ANKRD30A: variants seen among roughly 807,000 people sequenced by gnomAD.
ANKRD30A encodes ankyrin repeat domain-containing protein 30A.
In ANKRD30A, 170 loss-of-function variants were observed where a neutral mutation model predicts 166.3. The observed-to-expected ratio is 1.02, with a 90% CI of 0.90 to 1.16. ANKRD30A has a LOEUF of 1.16. Ranked by LOEUF, ANKRD30A falls within the 50% of genes most tolerant of loss-of-function variation. ANKRD30A has a pLI of 0.00. For missense variants in ANKRD30A, 1,630 were observed against 1,518.0 expected (o/e 1.07, Z -1.23); for synonymous variants, 564 against 508.9 (o/e 1.11, Z -1.46).
chr10:37,220,406 GTAA>G (rs1237713729), intron 34 of ANKRD30A, among the ~76,000 whole-genome samples: 1 of 151,120 alleles, frequency 6.6e-6, no homozygotes, highest in Non-Finnish European at 1.5e-5. Flanking sequence ...TCTGCGTCTT[GTAA>G]TAATACTTTT....
At chr10:37,239,339 T>C in the ANKRD30A span, among the ~76,000 whole-genome samples, 1 of 152,228 alleles carries the variant, frequency 6.6e-6, no homozygotes, top group East Asian at 1.9e-4. Flanking sequence ...AATCAAATTT[T>C]CTGAAATCTA....
intron 6 of ANKRD30A, among the ~76,000 whole-genome samples, chr10:37,139,299 C>T (rs1216630809): frequency 6.6e-6 from 1 of 152,202 alleles, no homozygotes; most frequent in Non-Finnish European, 1.5e-5. Context: ...GAGCTGATTA[C>T]AGACACCAAG....
chr10:37,129,854 T>G (rs756001489), intron 1 of ANKRD30A, 39 bp from the exon 2 acceptor site: 2 of 1,298,878 alleles, frequency 1.5e-6, no homozygotes, highest in African/African-American at 3.0e-5. Flanking sequence ...TTTGGGACAG[T>G]GGACTAAACT....
intron 34 of ANKRD30A, among the ~76,000 whole-genome samples, chr10:37,224,733 A>G (rs1654526111): frequency 6.6e-6 from 1 of 151,380 alleles, no homozygotes; most frequent in African/African-American, 2.4e-5. Context: ...CTTTGTTAGC[A>G]CTGTGCTAGC....
At chr10:37,145,407 G>A (rs764182989) in intron 8 of ANKRD30A, among the ~76,000 whole-genome samples, 2 of 152,120 alleles carry the variant, frequency 1.3e-5, no homozygotes, top group Non-Finnish European at 2.9e-5. Context: ...AACCCGGGAG[G>A]TGGAGGTTGC....
At chr10:37,159,020 T>A (rs1419776503) in intron 15 of ANKRD30A, among the ~76,000 whole-genome samples, 1 of 152,168 alleles carries the variant, frequency 6.6e-6, no homozygotes, top group African/African-American at 2.4e-5. Context: ...TTTTTTTGAT[T>A]AGCTGACTGT....
At chr10:37,232,694 A>ATATATATATATATATAT (rs1491346697), downstream of ANKRD30A, 1 of 13,524 alleles carries the variant, frequency 7.4e-5, no homozygotes, top group African/African-American at 1.8e-4. Context: ...ATATATATAT[A>ATATATATATATATATAT]AATAGAGAGA....
At chr10:37,166,433 G>T (rs1204748043) in intron 18 of ANKRD30A, among the ~76,000 whole-genome samples, 172 bp from the exon 19 acceptor site, 7 of 152,102 alleles carry the variant, frequency 4.6e-5, no homozygotes, top group African/African-American at 1.2e-4. Context: ...AGAGGGTTAT[G>T]TGAGGTTTTC....
At chr10:37,201,839 A>G (rs992767682) in intron 31 of ANKRD30A, among the ~76,000 whole-genome samples, 10 of 152,066 alleles carry the variant, frequency 6.6e-5, no homozygotes, top group African/African-American at 2.4e-4. Context: ...GAAGCACCTG[A>G]CCATGGAGAG....
At chr10:37,153,211 T>G (rs1838090411) in intron 12 of ANKRD30A, among the ~76,000 whole-genome samples, 1 of 152,208 alleles carries the variant, frequency 6.6e-6, no homozygotes, top group African/African-American at 2.4e-5. Context: ...GCAAATGTGT[T>G]GTATTTTGTT....
downstream of ANKRD30A, among the ~76,000 whole-genome samples, chr10:37,232,737 G>A (rs1206108830): frequency 4.0e-5 from 5 of 124,986 alleles, no homozygotes; most frequent in East Asian, 1.3e-3. Context: ...TTTGTCTGGG[G>A]TAAAAATTTT....
At chr10:37,159,023 C>T (rs957924516) in intron 15 of ANKRD30A, among the ~76,000 whole-genome samples, 2 of 151,966 alleles carry the variant, frequency 1.3e-5, no homozygotes, top group African/African-American at 4.8e-5. Context: ...TTTTGATTAG[C>T]TGACTGTGTG....
At chr10:37,178,886 T>A (rs1447402630) in intron 24 of ANKRD30A, among the ~76,000 whole-genome samples, 85 of 150,750 alleles carry the variant, frequency 5.6e-4, no homozygotes, top group African/African-American at 1.9e-3. Context: ...TTCGGAAGCA[T>A]TTAGAAAAGT....
At chr10:37,130,092 A>G (rs559007406) in intron 2 of ANKRD30A, 85 bp downstream of exon 2, 1 of 1,192,146 alleles carries the variant, frequency 8.4e-7, no homozygotes, top group Non-Finnish European at 1.1e-6. Context: ...TTGAAATACA[A>G]CTAGTTTTGA....
chr10:37,265,243 T>C, the ANKRD30A span, among the ~76,000 whole-genome samples: 1 of 152,214 alleles, frequency 6.6e-6, no homozygotes, highest in Non-Finnish European at 1.5e-5. Flanking sequence ...AACTGGATCA[T>C]GGAATCTAAC....
At position 37,126,019 on chromosome 10, in the gene ANKRD30A, C is replaced by T. The variant is rs1588730309; in HGVS notation, c.221+11C>T. The T allele has an allele frequency of 6.2e-7, 1 of 1,603,828 alleles. No individual in the cohort carries two copies. The highest frequency in any genetic ancestry group is 1.7e-5 in the Admixed American group (1 of 59,804). On this transcript the variant is annotated intron_variant, in intron 1 of 35. Transcript: ENST00000361713. ...AGACGCCCAGAAGAGGTACCAGGCC[C>T]TGCCTGAGCCGGGGCTGCAGGAGGA...
intron 27 of ANKRD30A, among the ~76,000 whole-genome samples, chr10:37,194,750 CTTTGA>C (rs1273759342): frequency 6.6e-6 from 1 of 152,136 alleles, no homozygotes; most frequent in African/African-American, 2.4e-5. Context: ...ATTAGCTCTG[CTTTGA>C]TTTAAGACCT....
chr10:37,147,950 G>T (rs1172438625), intron 9 of ANKRD30A, among the ~76,000 whole-genome samples: 1 of 152,186 alleles, frequency 6.6e-6, no homozygotes, highest in Non-Finnish European at 1.5e-5. Flanking sequence ...TACTGGGAAG[G>T]CATTAGGAAT....
At chr10:37,248,043 CA>C in the ANKRD30A span, 1 of 360,302 alleles carries the variant, frequency 2.8e-6, no homozygotes, top group Non-Finnish European at 5.4e-6. Context: ...AAAAAAAAAT[CA>C]TGTGGTAGAA....
Sources: gnomAD v4.1 joint callset for allele counts (sites outside exome capture counted in the v4.1 genomes callset) on GRCh38, gnomAD v4.1.1 for gene constraint, MANE v1.5 for transcripts, NCBI Gene and HGNC (gene_info 2026-07-23, HGNC 2026-07-21) for gene names.